The following SCN7A variants were observed in gnomAD, a reference collection of about 807,000 sequenced individuals.
The protein encoded by SCN7A is sodium channel protein type 7 subunit alpha.
In SCN7A, 138 loss-of-function variants were observed where a neutral mutation model predicts 155.2. The observed-to-expected ratio is 0.89, with a 90% CI of 0.77 to 1.02. The LOEUF (loss-of-function observed/expected upper bound fraction) is 1.02, where lower values mean the gene tolerates loss of function less well. SCN7A is among the 50% of genes least tolerant of loss of function. SCN7A has a pLI of 0.00. For synonymous variants in SCN7A, 693 were observed against 649.0 expected (o/e 1.07, Z -1.03); for missense variants, 2,058 against 1,986.6 (o/e 1.04, Z -0.68).
At chr2:166,427,684 T>G in intron 18 of SCN7A, 104 bp downstream of exon 18, 1 of 1,039,080 alleles carries the variant, frequency 9.6e-7, no homozygotes, top group Non-Finnish European at 1.4e-6. Context: ...GGTGCTATAC[T>G]AAATATCCTT....
chr2:166,418,284 C>CTTTTTTTTT (rs71031244), intron 20 of SCN7A, among the ~76,000 whole-genome samples: 1 of 60,674 alleles, frequency 1.6e-5, no homozygotes, highest in African/African-American at 7.2e-5. Context: ...CCCCGCCAGG[C>CTTTTTTTTT]TTTTTTTTTT....
intron 1 of SCN7A, among the ~76,000 whole-genome samples, chr2:166,493,306 A>G (rs1247110593): frequency 1.3e-5 from 2 of 152,210 alleles, no homozygotes; most frequent in East Asian, 3.9e-4. Context: ...TGCACTCATC[A>G]TTTGTCTTGT....
At position 166,427,824 on chromosome 2, in the gene SCN7A, A is replaced by G; in HGVS notation, c.2817T>C (p.Phe939=). 1 of 1,611,772 alleles carries G rather than the reference A, an allele frequency of 6.2e-7. No homozygotes were observed. ...TGCTGAGCAGAGTAACAAGCCCAAT[A>G]AAACACTTAAACCAATTGTTCTCTA... ...KIVENNWFKC[F]IGLVTLLSTG... Residue 939 remains phenylalanine, a synonymous_variant, in exon 18 of 26, where the codon TTT becomes TTC. Coordinates refer to ENST00000643258, the MANE Select transcript of SCN7A (RefSeq NM_002976.4).
At chr2:166,407,745 T>C (rs1243430261) in intron 25 of SCN7A, among the ~76,000 whole-genome samples, 3 of 152,016 alleles carry the variant, frequency 2.0e-5, no homozygotes, top group East Asian at 1.9e-4. Flanking sequence ...TTAATCTTTG[T>C]TTTTATTTCT....
rs1443391022 is a variant in SCN7A at position 166,414,002 on chromosome 2, T to TATATATATATATATATATATATAA, written c.3415-882_3415-881insTTATATATATATATATATATATAT. On this transcript the variant is annotated intron_variant, in intron 21 of 25. Transcript: ENST00000643258. ...ATGTGTATATATATATATATATATA[T>TATATATATATATATATATATATAA]AAATATACTATATATATGTAAATAT... Among the ~76,000 whole-genome samples the TATATATATATATATATATATATAA allele has an allele frequency of 4.8e-4, 43 of 90,290 alleles. 4 individuals are homozygous for TATATATATATATATATATATATAA. Among genetic ancestry groups the TATATATATATATATATATATATAA allele is most frequent in the African/African-American group, 1.9e-3 (41 of 22,078 alleles). 59.2% of individuals were successfully genotyped at this position (90,290 alleles called of 152,430 possible).
intron 1 of SCN7A, among the ~76,000 whole-genome samples, chr2:166,492,224 G>T (rs1336319447): frequency 6.6e-6 from 1 of 151,964 alleles, no homozygotes; most frequent in East Asian, 1.9e-4. Context: ...TGCCATCTGG[G>T]ATCTGATGAC....
At chr2:166,428,819 G>C (rs1701674867) in intron 17 of SCN7A, among the ~76,000 whole-genome samples, 2 of 151,966 alleles carry the variant, frequency 1.3e-5, no homozygotes, top group South Asian at 4.1e-4. Flanking sequence ...GTGTGCTTTA[G>C]AACAGAGCAC....
At chr2:166,475,502 A>G (rs1288119945) in intron 3 of SCN7A, among the ~76,000 whole-genome samples, 4 of 151,654 alleles carry the variant, frequency 2.6e-5, no homozygotes, top group Non-Finnish European at 5.9e-5. Context: ...TAATAAAATA[A>G]TATTTTTCTA....
intron 22 of SCN7A, 111 bp from the exon 23 acceptor site, chr2:166,412,778 G>T (rs1446274511): frequency 4.6e-5 from 64 of 1,387,494 alleles, no homozygotes; most frequent in Non-Finnish European, 5.9e-5. Flanking sequence ...TGCTACCTAA[G>T]AAACTGTTTT....
At chr2:166,476,596 C>T (rs1702802905) in intron 3 of SCN7A, among the ~76,000 whole-genome samples, 1 of 151,920 alleles carries the variant, frequency 6.6e-6, no homozygotes. Context: ...CCTGTCTCTT[C>T]CATGCAATCA....
chr2:166,415,792 T>C (rs1701362941), intron 21 of SCN7A, among the ~76,000 whole-genome samples: 1 of 152,068 alleles, frequency 6.6e-6, no homozygotes, highest in Non-Finnish European at 1.5e-5. Flanking sequence ...TTGTAAAACA[T>C]GTGTGTTTGA....
At chr2:166,455,564 G>A (rs940783333) in intron 11 of SCN7A, among the ~76,000 whole-genome samples, 3 of 152,074 alleles carry the variant, frequency 2.0e-5, no homozygotes, top group African/African-American at 7.2e-5. Flanking sequence ...AGAAGGGGAA[G>A]GGCAAGGGCT....
At chr2:166,464,411 G>C (rs192892236) in intron 9 of SCN7A, among the ~76,000 whole-genome samples, 3 of 152,168 alleles carry the variant, frequency 2.0e-5, no homozygotes, top group Admixed American at 2.0e-4. Flanking sequence ...AATTACATGA[G>C]TCACATTGCT....
chr2:166,412,501 T>C (rs774331974), intron 23 of SCN7A, 29 bp downstream of exon 23: 36 of 1,386,268 alleles, frequency 2.6e-5, no homozygotes, highest in Admixed American at 1.1e-4. Context: ...TTCTCAGACA[T>C]TGGATAAACA....
chr2:166,416,919 T>C lies in SCN7A; in HGVS notation c.3202A>G (p.Ile1068Val), dbSNP rs970863920. ...TLNVFLVCLMIWLIFSIMGVD... is the reference protein window; with the variant it reads ...TLNVFLVCLMVWLIFSIMGVD... ...CCCATGATACTAAAAATCAGCCAGA[T>C]CATCAGGCAGACAAGAAACACATTC... The change falls in exon 21 of 26, where the codon ATC (isoleucine) becomes GTC (valine). Residue 1068 changes from isoleucine (I) to valine (V), a missense_variant. Ile to Val is a conservative substitution (Grantham distance 29). Transcript: ENST00000643258. 1 of 1,612,352 alleles carries C rather than the reference T, an allele frequency of 6.2e-7. No homozygotes were observed. Among genetic ancestry groups the C allele is most frequent in the Non-Finnish European group, 8.5e-7 (1 of 1,179,192 alleles).
At chr2:166,478,673 CA>C (rs924029925) in intron 2 of SCN7A, among the ~76,000 whole-genome samples, 5 of 151,992 alleles carry the variant, frequency 3.3e-5, no homozygotes, top group African/African-American at 1.2e-4. Context: ...AATCCTTATA[CA>C]AAAAATAATT....
Position 166,476,847 on chromosome 2 carries a change from A to G in SCN7A, c.234+616T>C, listed in dbSNP as rs567542128. ...TTATTAAAACTTTGAAGTGCTCTTT[A>G]AGCTATAACTCAAATTCTGCATCCT... is the stretch of plus-strand genomic sequence containing the variant. On this transcript the variant is annotated intron_variant, in intron 3 of 25. Transcript: ENST00000643258. 1.2e-3 allele frequency among the ~76,000 whole-genome samples: 185 copies of G among 152,136 alleles called. 1 individual carries two copies. Among genetic ancestry groups the G allele is most frequent in the African/African-American group, 4.3e-3 (177 of 41,542 alleles).
intron 3 of SCN7A, among the ~76,000 whole-genome samples, chr2:166,476,378 C>T (rs375119741): frequency 6.6e-5 from 10 of 151,924 alleles, no homozygotes; most frequent in Non-Finnish European, 1.2e-4. Flanking sequence ...TATCAAATTA[C>T]GTTTGCTATG....
chr2:166,488,675 T>C (rs561568723), intron 1 of SCN7A, among the ~76,000 whole-genome samples: 23 of 152,020 alleles, frequency 1.5e-4, no homozygotes, highest in Admixed American at 1.4e-3. Flanking sequence ...TCTCACTCTG[T>C]TGCCCAGGCT....
Sources: allele counts gnomAD v4.1 joint callset (sites outside exome capture counted in the v4.1 genomes callset), GRCh38; gene constraint gnomAD v4.1.1; transcripts MANE v1.5; gene names NCBI Gene and HGNC (gene_info 2026-07-23, HGNC 2026-07-21).